The following SHC3 variants were observed in gnomAD, a reference collection of about 807,000 sequenced individuals.
SHC3 encodes SHC-transforming protein 3.
SHC3 carries 15 observed loss-of-function variants against 60.4 expected under a neutral mutation model. That is an observed-to-expected ratio of 0.25 (90% confidence interval 0.17 to 0.38). The LOEUF is 0.38. Ranked by LOEUF, SHC3 falls within the 10% of genes least tolerant of loss-of-function variation. The pLI, the probability that SHC3 is intolerant of heterozygous loss-of-function variation, is 1.00. For synonymous variants in SHC3, 294 were observed against 325.9 expected, an observed-to-expected ratio of 0.90 and a Z score of 1.05; for missense variants, 677 against 786.1, an observed-to-expected ratio of 0.86 and a Z score of 1.66.
At chr9:89,147,664 G>A (rs150042463) in intron 1 of SHC3, among the ~76,000 whole-genome samples, 1 of 152,226 alleles carries the variant, frequency 6.6e-6, no homozygotes, top group East Asian at 1.9e-4. Context: ...TTCTTTGCCA[G>A]TTTGCACGAT....
chr9:89,049,983 T>C (rs1201758116), intron 7 of SHC3, among the ~76,000 whole-genome samples: 7 of 152,252 alleles, frequency 4.6e-5, no homozygotes, highest in Admixed American at 1.3e-4. Flanking sequence ...TTAAACTCCT[T>C]TAAATTTAAT....
At chr9:89,160,198 C>T (rs190511597) in intron 1 of SHC3, among the ~76,000 whole-genome samples, 1 of 152,292 alleles carries the variant, frequency 6.6e-6, no homozygotes, top group East Asian at 1.9e-4. Flanking sequence ...TTCAGTGGCA[C>T]ATCTTCCCCA....
At position 89,076,207 on chromosome 9, in the gene SHC3, T is replaced by C. The variant is rs138591463; in HGVS notation, c.610-979A>G. 5.5e-3 allele frequency among the ~76,000 whole-genome samples: 839 copies of C among 152,200 alleles called. 3 individuals carry two copies. Among genetic ancestry groups the C allele is most frequent in the Middle Eastern group, 0.014 (4 of 294 alleles). On this transcript the variant is annotated intron_variant, in intron 3 of 11. Coordinates refer to ENST00000375835, the MANE Select transcript of SHC3 (RefSeq NM_016848.6). ...CGTTCTCAGTTGCCGTCCTAGTTCCTATAGTGGAGACTCTGGAGCCTTACT... is the reference window on the plus strand; with the variant it reads ...CGTTCTCAGTTGCCGTCCTAGTTCCCATAGTGGAGACTCTGGAGCCTTACT...
Position 89,112,446 on chromosome 9 carries a change from A to G in SHC3, c.545+110T>C, listed in dbSNP as rs183765600. On this transcript the variant is annotated intron_variant, in intron 2 of 11. Coordinates refer to ENST00000375835, the MANE Select transcript of SHC3 (RefSeq NM_016848.6). ...CAGTACTGACTCACTGTCACCAGCC[A>G]CTAACCCTCCAAGGGCCGGTCTTTT... The G allele has an allele frequency of 3.9e-5, 46 of 1,164,840 alleles. No homozygotes were observed. In the East Asian group the frequency reaches 1.1e-3, roughly 28 times the overall value. 72.2% of individuals were successfully genotyped at this position (1,164,840 alleles called of 1,614,324 possible).
rs371403990 is a variant in SHC3, at chr9:89,075,069, G to A, written c.729+40C>T. ...AAGCCTGCGAAACACTCATCACCTG[G>A]GGCTGTGGGCAGGGACAGGGGATCT... On this transcript the variant is annotated intron_variant, in intron 4 of 11. Transcript: ENST00000375835. 90 of 1,606,798 alleles carry A rather than the reference G, an allele frequency of 5.6e-5. No individual in the cohort carries two copies. In the African/African-American group the frequency reaches 1.0e-3, roughly 18 times the overall value.
intron 1 of SHC3, among the ~76,000 whole-genome samples, chr9:89,141,180 T>G (rs1488413696): frequency 1.3e-5 from 2 of 152,070 alleles, no homozygotes; most frequent in Admixed American, 6.6e-5. Flanking sequence ...GACCCTGAAG[T>G]TGGGATGCCA....
At chr9:89,068,210 C>T (rs770264088) in intron 5 of SHC3, among the ~76,000 whole-genome samples, 2 of 152,190 alleles carry the variant, frequency 1.3e-5, no homozygotes, top group Non-Finnish European at 2.9e-5. Context: ...CCCAAGACCC[C>T]CTGTGCCTGG....
At position 89,038,179 on chromosome 9, in the gene SHC3, C is replaced by A; in HGVS notation, c.1470G>T (p.Met490Ile). The A allele has an allele frequency of 6.2e-7, 1 of 1,614,104 alleles. No individual in the cohort carries two copies. Among genetic ancestry groups the A allele is most frequent in the Non-Finnish European group, 8.5e-7 (1 of 1,180,012 alleles). ...PVSPRAPDAK[M>I]LEELQAETWY... is the part of the protein sequence containing the mutation. ...AAGTCTCGGCTTGCAGTTCCTCCAG[C>A]ATCTTGGCATCTGGGGCTCTAGGTG... Residue 490 changes from methionine to isoleucine, a missense_variant, in exon 11 of 12, where the codon ATG becomes ATT. Coordinates refer to ENST00000375835, the MANE Select transcript of SHC3 (RefSeq NM_016848.6).
intron 1 of SHC3, among the ~76,000 whole-genome samples, chr9:89,165,276 G>GT (rs1365995500): frequency 6.6e-6 from 1 of 152,008 alleles, no homozygotes; most frequent in African/African-American, 2.4e-5. Context: ...GTGTGTGTGT[G>GT]TGTGTGTGTT....
At chr9:89,087,359 A>T (rs557553733) in intron 2 of SHC3, among the ~76,000 whole-genome samples, 1 of 152,316 alleles carries the variant, frequency 6.6e-6, no homozygotes, top group South Asian at 2.1e-4. Flanking sequence ...CTAATGTGGA[A>T]ATACTCTGTG....
rs7866578 is a variant in SHC3 at position 89,048,801 on chromosome 9, C to A, written c.963-1807G>T. On this transcript the variant is annotated intron_variant, in intron 7 of 11. Transcript: ENST00000375835. ...CCCAGGCTGCACCCTGCTGGAGGAGCGGAGCTGAAACGGAAGGCAGGGCAA... is the reference window on the plus strand; with the variant it reads ...CCCAGGCTGCACCCTGCTGGAGGAGAGGAGCTGAAACGGAAGGCAGGGCAA... Among the ~76,000 whole-genome samples the A allele has an allele frequency of 5.4e-3, 829 of 152,218 alleles. 7 individuals are homozygous for A. The highest frequency in any genetic ancestry group is 0.019 in the African/African-American group (790 of 41,514).
intron 2 of SHC3, among the ~76,000 whole-genome samples, chr9:89,095,730 T>C (rs1825691694): frequency 6.6e-6 from 1 of 152,196 alleles, no homozygotes; most frequent in Non-Finnish European, 1.5e-5. Context: ...AGTTGCAGCC[T>C]GACACCCCCA....
In SHC3 at chr9:89,017,116, T is replaced by C. The variant is rs1381586310; in HGVS notation, c.1657-3541A>G. Among the ~76,000 whole-genome samples, 3 of 152,158 alleles carry C rather than the reference T, an allele frequency of 2.0e-5. No homozygotes were observed. In the East Asian group the frequency reaches 5.8e-4, roughly 29 times the overall value. ...CAATGCTATCCCCATCAAGCTACCA[T>C]TGACTTTCTTCATAGAATTAGAAAA... On this transcript the variant is annotated intron_variant, in intron 11 of 11. Coordinates refer to ENST00000375835, the MANE Select transcript of SHC3 (RefSeq NM_016848.6).
At chr9:89,174,681 G>A (rs1826917315) in intron 1 of SHC3, among the ~76,000 whole-genome samples, 1 of 152,208 alleles carries the variant, frequency 6.6e-6, no homozygotes, top group African/African-American at 2.4e-5. Context: ...GAAGGAGCCC[G>A]TCTTTTGGGG....
At chr9:89,071,728 A>G (rs976420921) in intron 4 of SHC3, among the ~76,000 whole-genome samples, 4 of 151,988 alleles carry the variant, frequency 2.6e-5, no homozygotes, top group African/African-American at 9.7e-5. Context: ...CCAACAAGAT[A>G]AGGACATAAA....
chr9:89,037,392 C>T, intron 11 of SHC3: 1 of 630,686 alleles, frequency 1.6e-6, no homozygotes, highest in Admixed American at 3.0e-5. Context: ...TTAAACTTAG[C>T]AATTCTTGGA....
At chr9:89,069,196 C>T (rs1401134042) in intron 5 of SHC3, among the ~76,000 whole-genome samples, 1 of 152,148 alleles carries the variant, frequency 6.6e-6, no homozygotes, top group Non-Finnish European at 1.5e-5. Context: ...GTAGTCCCAG[C>T]TACCCATGAG....
intron 1 of SHC3, among the ~76,000 whole-genome samples, chr9:89,125,698 G>T (rs1010731809): frequency 6.6e-6 from 1 of 152,274 alleles, no homozygotes. Context: ...GTGACCTCTG[G>T]TTGTCCTCAC....
chr9:89,051,572 A>G (rs7855350), intron 7 of SHC3, among the ~76,000 whole-genome samples: 22,436 of 152,256 alleles, frequency 0.15, 1,743 homozygotes, highest in Non-Finnish European at 0.16. Context: ...CCAAGCTGTT[A>G]AGCTGCAAAG....
Sources: allele counts gnomAD v4.1 joint callset (sites outside exome capture counted in the v4.1 genomes callset), GRCh38; gene constraint gnomAD v4.1.1; transcripts MANE v1.5; gene names NCBI Gene and HGNC (gene_info 2026-07-23, HGNC 2026-07-21).